NYAP2: variants seen among roughly 807,000 people sequenced by gnomAD.
The protein encoded by NYAP2 is neuronal tyrosine-phosphorylated phosphoinositide-3-kinase adapter 2.
Under a neutral mutation model 50.4 loss-of-function variants are expected in NYAP2, and 23 were observed. That is an observed-to-expected ratio of 0.46 (90% CI 0.33 to 0.65). The LOEUF is 0.65. Ranked by LOEUF, NYAP2 falls within the 30% of genes least tolerant of loss-of-function variation. The pLI is 0.02. For synonymous variants in NYAP2, 394 were observed against 365.2 expected, an observed-to-expected ratio of 1.08 and a Z score of -0.90; for missense variants, 885 against 861.0, an observed-to-expected ratio of 1.03 and a Z score of -0.35.
intron 3 of NYAP2, among the ~76,000 whole-genome samples, chr2:225,449,930 C>T (rs1440494692): frequency 6.6e-6 from 1 of 152,016 alleles, no homozygotes; most frequent in East Asian, 1.9e-4. Context: ...AAGCCATACA[C>T]GAGATAGCTC....
exon 7 of NYAP2, chr2:225,651,896 T>G (rs2106272815): frequency 4.8e-6 from 1 of 206,260 alleles, no homozygotes; most frequent in African/African-American, 2.3e-5. Context: ...ACTTTTATAC[T>G]GTCTCTGAAA....
chr2:225,685,073 C>G, the NYAP2 span, among the ~76,000 whole-genome samples: 2 of 152,120 alleles, frequency 1.3e-5, no homozygotes, highest in Non-Finnish European at 2.9e-5. Flanking sequence ...GAAGAAAAAA[C>G]ATATTTTACA....
intron 4 of NYAP2, among the ~76,000 whole-genome samples, chr2:225,523,186 G>A (rs747332365): frequency 2.6e-5 from 4 of 151,810 alleles, no homozygotes; most frequent in South Asian, 2.1e-4. Context: ...TGGCCATAAC[G>A]TTTTTTAAAA....
At chr2:225,621,701 G>GT (rs557629954) in intron 5 of NYAP2, among the ~76,000 whole-genome samples, 168 of 150,860 alleles carry the variant, frequency 1.1e-3, no homozygotes, top group Middle Eastern at 3.4e-3. Context: ...TTTTAATACA[G>GT]TTTTTTTTTA....
chr2:225,605,991 G>T (rs1197519852), intron 5 of NYAP2, among the ~76,000 whole-genome samples: 1 of 152,082 alleles, frequency 6.6e-6, no homozygotes, highest in Non-Finnish European at 1.5e-5. Flanking sequence ...TTTAATTGTG[G>T]CCTAGGCATG....
At chr2:225,511,236 C>T (rs1203195214) in intron 3 of NYAP2, among the ~76,000 whole-genome samples, 5 of 151,872 alleles carry the variant, frequency 3.3e-5, no homozygotes, top group African/African-American at 1.2e-4. Flanking sequence ...CCCTCACGTC[C>T]ACTATCCCAT....
At chr2:225,676,614 A>G in the NYAP2 span, among the ~76,000 whole-genome samples, 1 of 152,156 alleles carries the variant, frequency 6.6e-6, no homozygotes, top group East Asian at 1.9e-4. Flanking sequence ...AGCAACTTCT[A>G]TTTTAAAAAC....
Position 225,582,141 on chromosome 2 carries a change from G to A in NYAP2, c.724G>A (p.Glu242Lys), listed in dbSNP as rs1225030758. 1.2e-6 allele frequency: 2 copies of A among 1,613,964 alleles called. No individual in the cohort carries two copies. Among genetic ancestry groups the A allele is most frequent in the South Asian group, 2.2e-5 (2 of 91,084 alleles). Residue 242 changes from glutamate (E) to lysine (K), a missense_variant, in exon 5 of 7, where the codon GAG (glutamate) becomes AAG (lysine). Coordinates refer to ENST00000636099, the Ensembl canonical transcript of NYAP2. The surrounding 1 kb of genome is among the most constrained non-coding windows in gnomAD (Gnocchi z 7.0). ...CCCCGCGGGAGACCCCGAGGAAGAG[G>A]AGCCCGTGTACATCGAGATGGTGGG...
At chr2:225,622,923 A>T (rs1248278631) in intron 5 of NYAP2, among the ~76,000 whole-genome samples, 1 of 152,172 alleles carries the variant, frequency 6.6e-6, no homozygotes, top group Non-Finnish European at 1.5e-5. Flanking sequence ...TTTTATTCTA[A>T]CATTCTTTTA....
chr2:225,523,126 A>G (rs987907802), intron 4 of NYAP2, among the ~76,000 whole-genome samples: 4 of 152,128 alleles, frequency 2.6e-5, no homozygotes, highest in African/African-American at 4.8e-5. Flanking sequence ...CCAGCCACAT[A>G]TTTGATTTTG....
chr2:225,582,090 G>A lies in NYAP2; in HGVS notation c.673G>A (p.Asp225Asn). 1 of 1,614,042 alleles carries A rather than the reference G, an allele frequency of 6.2e-7. No individual in the cohort carries two copies. Among genetic ancestry groups the A allele is most frequent in the Non-Finnish European group, 8.5e-7 (1 of 1,179,894 alleles). The change falls in exon 5 of 7, where the codon GAC becomes AAC. Residue 225 changes from aspartate to asparagine, a missense_variant. Coordinates refer to ENST00000636099, the Ensembl canonical transcript of NYAP2. This position sits in a 1 kb window ranked among gnomAD's most constrained non-coding sequence, Gnocchi z 7.0. ...GCCCCGGAGGACGTCGCTGCCGCGG[G>A]ACTCCTCCTTGTCCCAGATGGGCAG...
At chr2:225,560,511 C>G (rs1165141160) in intron 4 of NYAP2, among the ~76,000 whole-genome samples, 1 of 152,102 alleles carries the variant, frequency 6.6e-6, no homozygotes, top group Non-Finnish European at 1.5e-5. Flanking sequence ...AAATTGCCCA[C>G]CTAAACAGCT....
chr2:225,606,751 G>A (rs563386259), intron 5 of NYAP2, among the ~76,000 whole-genome samples: 2 of 152,230 alleles, frequency 1.3e-5, no homozygotes, highest in East Asian at 3.9e-4. Flanking sequence ...TTAGTAATCA[G>A]AGATTCAAAT....
intron 5 of NYAP2, among the ~76,000 whole-genome samples, chr2:225,589,078 C>T (rs1692442635): frequency 6.6e-6 from 1 of 152,020 alleles, no homozygotes; most frequent in African/African-American, 2.4e-5. Context: ...CACTCTTTTC[C>T]TAATTGTAAT....
At chr2:225,645,058 G>A (rs561512875) in intron 6 of NYAP2, among the ~76,000 whole-genome samples, 27 of 152,198 alleles carry the variant, frequency 1.8e-4, no homozygotes, top group African/African-American at 5.8e-4. Flanking sequence ...TCAGGGGTTC[G>A]AGACCAGCTT....
At chr2:225,450,251 A>T (rs549142791) in intron 3 of NYAP2, among the ~76,000 whole-genome samples, 7 of 152,314 alleles carry the variant, frequency 4.6e-5, no homozygotes, top group African/African-American at 1.7e-4. Context: ...CATGTGGAAA[A>T]TGCAATTTCA....
chr2:225,581,656 C>T (rs1344866301), intron 4 of NYAP2, among the ~76,000 whole-genome samples: 1 of 152,120 alleles, frequency 6.6e-6, no homozygotes, highest in Non-Finnish European at 1.5e-5. Flanking sequence ...CTGAAAGCTT[C>T]TCCTTAGGCA....
chr2:225,537,407 TA>T (rs1462898900), intron 4 of NYAP2, among the ~76,000 whole-genome samples: 1 of 152,194 alleles, frequency 6.6e-6, no homozygotes, highest in African/African-American at 2.4e-5. Context: ...TTATTGGACT[TA>T]CAGTTCCACA....
At chr2:225,422,876 C>G (rs1450220677) in intron 3 of NYAP2, among the ~76,000 whole-genome samples, 2 of 152,096 alleles carry the variant, frequency 1.3e-5, no homozygotes, top group Non-Finnish European at 2.9e-5. Context: ...ATGATAGATA[C>G]TATGACTAGT....
Sources: allele counts gnomAD v4.1 joint callset (sites outside exome capture counted in the v4.1 genomes callset), GRCh38; gene constraint gnomAD v4.1.1; non-coding constraint Gnocchi (gnomAD v3.1); transcripts MANE v1.5; gene names NCBI Gene and HGNC (gene_info 2026-07-23, HGNC 2026-07-21).